The following CHRFAM7A variants were observed in gnomAD, a reference collection of about 807,000 sequenced individuals.
CHRFAM7A encodes CHRNA7-FAM7A fusion protein.
In CHRFAM7A, 3 loss-of-function variants were observed where a neutral mutation model predicts 29.2. That is an observed-to-expected ratio of 0.10 (90% CI 0.05 to 0.27). CHRFAM7A has a LOEUF of 0.27. Ranked by LOEUF, CHRFAM7A falls within the 10% of genes least tolerant of loss-of-function variation. The pLI is 1.00. For synonymous variants in CHRFAM7A, 7 were observed against 135.4 expected (o/e 0.05, Z 6.58); for missense variants, 22 against 328.0 (o/e 0.07, Z 7.21).
chr15:30,377,668 G>C (rs1222346663), intron 4 of CHRFAM7A, among the ~76,000 whole-genome samples: 2 of 138,938 alleles, frequency 1.4e-5, no homozygotes, highest in African/African-American at 5.5e-5. Context: ...TCCACCTCCT[G>C]GGTTCATGTC....
chr15:30,367,189 G>A lies in CHRFAM7A; in HGVS notation c.720+229C>T, dbSNP rs1337666508. ...TAGTCCCAGCTACTTGGGAGGCTGA[G>A]GCAGGAGAATTGCTTGAATCCAGGA... On this transcript the variant is annotated intron_variant, in intron 9 of 9. Transcript: ENST00000299847. 2.0e-5 allele frequency among the ~76,000 whole-genome samples: 3 copies of A among 151,080 alleles called. 1 individual carries two copies. Among genetic ancestry groups the A allele is most frequent in the Non-Finnish European group, 4.4e-5 (3 of 67,768 alleles).
intron 9 of CHRFAM7A, among the ~76,000 whole-genome samples, chr15:30,367,079 C>T (rs1172177228): frequency 5.3e-5 from 8 of 150,006 alleles, no homozygotes; most frequent in Middle Eastern, 6.9e-3. Context: ...GTCAGGAGTT[C>T]GACATCAGCC....
At chr15:30,367,382 G>A (rs373015272) in intron 9 of CHRFAM7A, 36 bp downstream of exon 9, 101 of 1,595,080 alleles carry the variant, frequency 6.3e-5, no homozygotes, top group African/African-American at 2.0e-4. Context: ...CCTTTACAGC[G>A]GGGCTCCGAC....
chr15:30,363,293 G>C (rs952114025), intron 9 of CHRFAM7A, among the ~76,000 whole-genome samples: 4 of 148,104 alleles, frequency 2.7e-5, no homozygotes, highest in African/African-American at 1.0e-4. Context: ...TGAGACACCA[G>C]GTAAACTTGA....
chr15:30,376,087 G>C (rs1165265853), intron 5 of CHRFAM7A, among the ~76,000 whole-genome samples: 12 of 37,838 alleles, frequency 3.2e-4, no homozygotes, highest in African/African-American at 7.4e-4. Flanking sequence ...GGTGTGAGTA[G>C]TGTGAGTGGT....
In CHRFAM7A at chr15:30,363,501, ATTG is replaced by A. The variant is rs1156494897; in HGVS notation, c.721-693_721-691del. On this transcript the variant is annotated intron_variant, in intron 9 of 9. Transcript: ENST00000299847. ...CGGTGCCGTGCCCCATAGGTGCTAC[ATTG>A]TTAAGGCACAAATACTTATTAAAGT... is the stretch of plus-strand genomic sequence containing the variant. Among the ~76,000 whole-genome samples the A allele has an allele frequency of 7.7e-4, 25 of 32,264 alleles. No individual in the cohort carries two copies. In the East Asian group the frequency reaches 0.022, roughly 29 times the overall value. 21.2% of individuals were successfully genotyped at this position (32,264 alleles called of 152,430 possible).
chr15:30,371,424 G>GCAT lies in CHRFAM7A; in HGVS notation c.524-243_524-241dup, dbSNP rs1448304031. Among the ~76,000 whole-genome samples, 16 of 148,646 alleles carry GCAT rather than the reference G, an allele frequency of 1.1e-4. 2 individuals are homozygous for GCAT. Among genetic ancestry groups the GCAT allele is most frequent in the African/African-American group, 4.0e-4 (16 of 39,676 alleles). On this transcript the variant is annotated intron_variant, in intron 7 of 9. Coordinates refer to ENST00000299847, the MANE Select transcript of CHRFAM7A (RefSeq NM_139320.2). ...AAGTTTAGGACCCAGAATTTTAAAA[G>GCAT]CATCAACACAAACTGAAAAATTTAA...
rs531151138 is a variant in CHRFAM7A at position 30,375,808 on chromosome 15, GGTT to G, written c.160+1219_160+1221del. On this transcript the variant is annotated intron_variant, in intron 5 of 9. Coordinates refer to ENST00000299847, the MANE Select transcript of CHRFAM7A (RefSeq NM_139320.2). ...TGAGTCGTGTGGGTGGTATGTGAGT[GGTT>G]GTGTGAGTGGTGTGTGAGTGTTGAG... Among the ~76,000 whole-genome samples the G allele has an allele frequency of 4.4e-3, 659 of 149,504 alleles. 5 individuals are homozygous for G. Among genetic ancestry groups the G allele is most frequent in the Non-Finnish European group, 6.7e-3 (447 of 66,588 alleles).
chr15:30,376,189 A>G (rs1240307842), intron 5 of CHRFAM7A, among the ~76,000 whole-genome samples: 1 of 8,464 alleles, frequency 1.2e-4, no homozygotes, highest in Non-Finnish European at 1.8e-3. Flanking sequence ...GGTATGTGTG[A>G]GTGGCTGTGA....
At position 30,376,214 on chromosome 15, in the gene CHRFAM7A, TG is replaced by T. The variant is rs1430291712; in HGVS notation, c.160+815del. ...AGTGGCTGTGAGTGGTTGTGAGTGGTGTGTGTGTGAGTCGTATGTGTGAGTG... is the reference window on the plus strand; with the variant it reads ...AGTGGCTGTGAGTGGTTGTGAGTGGTTGTGTGTGAGTCGTATGTGTGAGTG... On this transcript the variant is annotated intron_variant, in intron 5 of 9. Transcript: ENST00000299847. Among the ~76,000 whole-genome samples, 6 of 135,538 alleles carry T rather than the reference TG, an allele frequency of 4.4e-5. No homozygotes were observed. The South Asian group carries it at 9.5e-4, about 22-fold the overall frequency. The allele number at this position is 135,538 out of a possible 152,430, so 88.9% of individuals were successfully genotyped here.
At chr15:30,388,635 TC>T (rs2058986872) in intron 1 of CHRFAM7A, among the ~76,000 whole-genome samples, 1 of 81,032 alleles carries the variant, frequency 1.2e-5, no homozygotes, top group East Asian at 6.5e-4. Flanking sequence ...AACAAAATGT[TC>T]AGGAATAAAC....
At chr15:30,370,831 T>C (rs1041059604) in intron 8 of CHRFAM7A, among the ~76,000 whole-genome samples, 4 of 147,346 alleles carry the variant, frequency 2.7e-5, no homozygotes, top group Non-Finnish European at 6.0e-5. Flanking sequence ...AACGATGAAA[T>C]ATCTGGCTTC....
intron 5 of CHRFAM7A, among the ~76,000 whole-genome samples, chr15:30,375,789 G>A (rs1365462025): frequency 6.6e-6 from 1 of 151,174 alleles, no homozygotes; most frequent in African/African-American, 2.4e-5. Context: ...GTGTTGAGTC[G>A]TGTGGGTGGT....
intron 5 of CHRFAM7A, among the ~76,000 whole-genome samples, chr15:30,375,973 G>A (rs2058928139): frequency 3.1e-5 from 1 of 32,160 alleles, no homozygotes; most frequent in African/African-American, 9.4e-5. Context: ...AGTGGTGTGT[G>A]TGTTGAGTCG....
chr15:30,378,039 A>G (rs562104169), intron 4 of CHRFAM7A, among the ~76,000 whole-genome samples: 1 of 57,502 alleles, frequency 1.7e-5, no homozygotes, highest in Non-Finnish European at 3.3e-5. Context: ...ATGTTTTTTT[A>G]AGAGTATTTC....
intron 5 of CHRFAM7A, among the ~76,000 whole-genome samples, chr15:30,375,866 G>C: frequency 8.5e-6 from 1 of 118,158 alleles, no homozygotes; most frequent in Non-Finnish European, 2.0e-5. Flanking sequence ...GTGGTTGTGT[G>C]AGTGGTGTGT....
Position 30,373,523 on chromosome 15 carries a change from GGTGTGTGTGT to G in CHRFAM7A, c.161-388_161-379del, listed in dbSNP as rs141612625. Among the ~76,000 whole-genome samples, 15 of 114,288 alleles carry G rather than the reference GGTGTGTGTGT, an allele frequency of 1.3e-4. 1 individual carries two copies. Among genetic ancestry groups the G allele is most frequent in the African/African-American group, 4.3e-4 (13 of 30,462 alleles). 75.0% of individuals were successfully genotyped at this position (114,288 alleles called of 152,430 possible). A position where few individuals can be genotyped will look rare whatever the true frequency, so the allele number is the denominator to read the frequency against. ...ATGAAGTTAGAAATAGAATCTAAAAGGTGTGTGTGTGTGTGTGTGTGTCTGTTTGGTGCGG... is the reference window on the plus strand; with the variant it reads ...ATGAAGTTAGAAATAGAATCTAAAAGGTGTGTGTGTGTCTGTTTGGTGCGG... On this transcript the variant is annotated intron_variant, in intron 5 of 9. Transcript: ENST00000299847.
In CHRFAM7A at chr15:30,362,205, TG is replaced by T; in HGVS notation, c.*87del. The T allele has an allele frequency of 1.1e-4, 7 of 65,298 alleles. No individual in the cohort carries two copies. The highest frequency in any genetic ancestry group is 2.7e-4 in the Admixed American group (1 of 3,772). The allele number at this position is 65,298 out of a possible 1,614,324, so 4.0% of individuals were successfully genotyped here. A position where few individuals can be genotyped will look rare whatever the true frequency, so the allele number is the denominator to read the frequency against. ...GGAACACTGGAGTTGTGGCGTGTAA[TG>T]CTGTCCTGGATTAGCACCCCCAAAT... is the stretch of plus-strand genomic sequence containing the variant. On this transcript the variant is annotated 3_prime_UTR_variant, in exon 10 of 10. Transcript: ENST00000299847.
At position 30,373,063 on chromosome 15, in the gene CHRFAM7A, C is replaced by G; in HGVS notation, c.243G>C (p.Trp81Cys). ...VQHCKLKFGS[W>C]SYGGWSLDLQ... ...GATCCAAGGACCAGCCTCCGTAAGACCAGGACCCAAACTTCAGTTTGCAGT... is the reference window on the plus strand; with the variant it reads ...GATCCAAGGACCAGCCTCCGTAAGAGCAGGACCCAAACTTCAGTTTGCAGT... Residue 81 changes from tryptophan to cysteine, a missense_variant, in exon 6 of 10, where the codon TGG (tryptophan) becomes TGC (cysteine). By Grantham distance (215) the Trp-to-Cys change is radical. Coordinates refer to ENST00000299847, the MANE Select transcript of CHRFAM7A (RefSeq NM_139320.2). 1 of 1,579,184 alleles carries G rather than the reference C, an allele frequency of 6.3e-7. No individual in the cohort carries two copies. Among genetic ancestry groups the G allele is most frequent in the Non-Finnish European group, 8.6e-7 (1 of 1,158,994 alleles).
Sources: gnomAD v4.1 joint callset for allele counts (sites outside exome capture counted in the v4.1 genomes callset) on GRCh38, gnomAD v4.1.1 for gene constraint, MANE v1.5 for transcripts, NCBI Gene and HGNC (gene_info 2026-07-23, HGNC 2026-07-21) for gene names.